FCRL2: variants seen among roughly 807,000 people sequenced by gnomAD.
FCRL2 encodes the protein Fc receptor like 2.
FCRL2 carries 48 observed loss-of-function variants against 59.8 expected under a neutral mutation model. The ratio of observed to expected loss-of-function variants is 0.80; its 90% CI spans 0.64 to 1.02. The LOEUF is 1.02. FCRL2 is among the 50% of genes least tolerant of loss of function. The probability of loss-of-function intolerance (pLI) is 0.00; values close to 1 mark genes in which losing one functional copy is unlikely to be tolerated. For synonymous variants in FCRL2, 251 were observed against 229.5 expected (o/e 1.09, Z -0.85); for missense variants, 658 against 597.3 (o/e 1.10, Z -1.06).
intron 7 of FCRL2, among the ~76,000 whole-genome samples, chr1:157,757,109 C>T (rs942441167): frequency 1.3e-5 from 2 of 152,172 alleles, no homozygotes; most frequent in Admixed American, 6.5e-5. Flanking sequence ...TTTTTCTCTA[C>T]CACTTGCATT....
intron 7 of FCRL2, among the ~76,000 whole-genome samples, chr1:157,761,155 C>G (rs547803617): frequency 6.6e-6 from 1 of 152,308 alleles, no homozygotes; most frequent in African/African-American, 2.4e-5. Context: ...TAACACCTTA[C>G]TGACATAGGT....
chr1:157,755,165 A>C (rs1022928278), intron 7 of FCRL2, among the ~76,000 whole-genome samples: 2 of 152,154 alleles, frequency 1.3e-5, no homozygotes, highest in African/African-American at 4.8e-5. Flanking sequence ...GACACTTTTC[A>C]CTCTTCATAC....
chr1:157,769,804 C>T (rs758640498), intron 4 of FCRL2, 62 bp downstream of exon 4: 2 of 1,548,742 alleles, frequency 1.3e-6, no homozygotes, highest in Non-Finnish European at 8.8e-7. Context: ...GACTAGTAGT[C>T]CAAGCTGAAG....
At chr1:157,768,312 C>T (rs1649685230) in intron 5 of FCRL2, 102 bp downstream of exon 5, 1 of 1,256,500 alleles carries the variant, frequency 8.0e-7, no homozygotes, top group Non-Finnish European at 1.1e-6. Context: ...TGGTTCTCCA[C>T]AGCACTAATC....
At chr1:157,750,095 T>TTAA (rs1648070483) in intron 7 of FCRL2, among the ~76,000 whole-genome samples, 1 of 152,224 alleles carries the variant, frequency 6.6e-6, no homozygotes, top group Non-Finnish European at 1.5e-5. Flanking sequence ...TTTAAATGTT[T>TTAA]GATATTTGCA....
At chr1:157,772,777 T>A (rs372835869) in intron 2 of FCRL2, among the ~76,000 whole-genome samples, 3 of 152,232 alleles carry the variant, frequency 2.0e-5, no homozygotes, top group African/African-American at 7.2e-5. Flanking sequence ...CATGCACTTA[T>A]AATTTTTACC....
intron 2 of FCRL2, chr1:157,774,584 T>G: frequency 5.0e-6 from 2 of 402,022 alleles, no homozygotes; most frequent in Admixed American, 3.0e-5. Flanking sequence ...GTGATTCACT[T>G]CAGGGAGCCT....
intron 7 of FCRL2, among the ~76,000 whole-genome samples, chr1:157,765,508 A>G (rs1649424047): frequency 6.6e-6 from 1 of 152,212 alleles, no homozygotes; most frequent in South Asian, 2.1e-4. Flanking sequence ...ACTACTGGCC[A>G]ATATCCCTGA....
intron 2 of FCRL2, among the ~76,000 whole-genome samples, chr1:157,774,765 T>C (rs1309682931): frequency 6.6e-6 from 1 of 152,174 alleles, no homozygotes; most frequent in Admixed American, 6.5e-5. Context: ...CCTGAGCAAG[T>C]TCCAGGTAGG....
intron 2 of FCRL2, among the ~76,000 whole-genome samples, chr1:157,773,413 A>G (rs891521306): frequency 6.6e-6 from 1 of 152,194 alleles, no homozygotes; most frequent in African/African-American, 2.4e-5. Flanking sequence ...GGTCATCATA[A>G]CTGCACTTCA....
intron 6 of FCRL2, 42 bp from the exon 7 acceptor site, chr1:157,767,013 C>T (rs199605574): frequency 3.2e-5 from 49 of 1,546,016 alleles, no homozygotes; most frequent in Non-Finnish European, 4.2e-5. Context: ...AGGTTTAAGA[C>T]TTGGGCCCTT....
chr1:157,770,470 A>C lies in FCRL2; in HGVS notation c.249T>G (p.Ser83Arg), dbSNP rs1649915098. ...VLSDSGNYFC[S>R]TKGQLFLWDK... ...CCCAGAGAAAGAGTTGTCCTTTGGT[A>C]CTACAGAAATAGTTACCACTGTCAC... The change falls in exon 3 of 12, where the codon AGT becomes AGG. Residue 83 changes from serine to arginine, a missense_variant. Physicochemically the swap from Ser to Arg is moderately radical, Grantham distance 110 (BLOSUM62 -1). Transcript: ENST00000361516. The C allele has an allele frequency of 2.5e-6, 4 of 1,614,090 alleles. No homozygotes were observed. Among genetic ancestry groups the C allele is most frequent in the Non-Finnish European group, 3.4e-6 (4 of 1,179,886 alleles).
intron 2 of FCRL2, 22 bp from the exon 3 acceptor site, chr1:157,770,688 C>G: frequency 6.2e-7 from 1 of 1,612,948 alleles, no homozygotes; most frequent in Non-Finnish European, 8.5e-7. Context: ...GGAGGGAAAC[C>G]GGATTTGCCA....
chr1:157,769,746 T>C (rs1474098327), intron 4 of FCRL2, 120 bp downstream of exon 4: 1 of 1,313,760 alleles, frequency 7.6e-7, no homozygotes, highest in Non-Finnish European at 1.0e-6. Flanking sequence ...AGGGTTTTTC[T>C]AGCTTAATTT....
chr1:157,764,967 C>T (rs1327096945), intron 7 of FCRL2, among the ~76,000 whole-genome samples: 1 of 151,940 alleles, frequency 6.6e-6, no homozygotes, highest in Non-Finnish European at 1.5e-5. Flanking sequence ...GAAATGATAA[C>T]AGTCAGAGCA....
At position 157,768,622 on chromosome 1, in the gene FCRL2, G is replaced by A. The variant is rs1398974630; in HGVS notation, c.675C>T (p.Leu225=). ...QVTEGQKLIL[L]CSVAGGTGNV... ...TTCCTGTACCCCCAGCCACTGAGCA[G>A]AGCAGGATCAGTTTTTGTCCTTCAG... Residue 225 remains leucine (L), a synonymous_variant, in exon 5 of 12, where the codon CTC becomes CTT. Coordinates refer to ENST00000361516, the MANE Select transcript of FCRL2 (RefSeq NM_030764.4). 2.5e-6 allele frequency: 4 copies of A among 1,614,082 alleles called. No individual in the cohort carries two copies. The highest frequency in any genetic ancestry group is 3.4e-6 in the Non-Finnish European group (4 of 1,180,034).
At chr1:157,756,980 G>A (rs1372081007) in intron 7 of FCRL2, among the ~76,000 whole-genome samples, 1 of 152,170 alleles carries the variant, frequency 6.6e-6, no homozygotes, top group Non-Finnish European at 1.5e-5. Flanking sequence ...AAGAGTGGAA[G>A]TGCAGGTCAA....
At chr1:157,764,851 C>T (rs911836278) in intron 7 of FCRL2, among the ~76,000 whole-genome samples, 10 of 152,096 alleles carry the variant, frequency 6.6e-5, no homozygotes, top group Non-Finnish European at 1.5e-4. Flanking sequence ...TAGCAATAAA[C>T]ACCTACAACA....
In FCRL2 at chr1:157,777,060, G is replaced by T. The variant is rs758575783; in HGVS notation, c.14C>A (p.Ser5Ter). The part of the protein sequence containing the change: MLLW[S>*]LLVIFDAVTE... ...GAACTCACCAAAGATGACCAGCAAT[G>T]ACCACAGCAGCATGAGGACCTAATC... is the stretch of plus-strand genomic sequence containing the variant. Residue 5 changes from serine (S) to a stop codon, truncating the protein, a stop_gained, in exon 1 of 12, where the codon TCA (serine) becomes TAA (stop). Transcript: ENST00000361516. LOFTEE classifies it high-confidence loss of function. The T allele has an allele frequency of 1.9e-6, 3 of 1,614,068 alleles. No homozygotes were observed. Among genetic ancestry groups the T allele is most frequent in the South Asian group, 1.1e-5 (1 of 91,050 alleles).
Sources: gnomAD v4.1 joint callset for allele counts (sites outside exome capture counted in the v4.1 genomes callset) on GRCh38, gnomAD v4.1.1 for gene constraint, MANE v1.5 for transcripts, NCBI Gene and HGNC (gene_info 2026-07-23, HGNC 2026-07-21) for gene names.